The following SLC16A7 variants were observed in gnomAD, a reference collection of about 807,000 sequenced individuals.
The protein encoded by SLC16A7 is solute carrier family 16 member 7.
Under a neutral mutation model 34.9 loss-of-function variants are expected in SLC16A7, and 33 were observed. The observed-to-expected ratio is 0.94, with a 90% CI of 0.72 to 1.26. The LOEUF is 1.26. SLC16A7 is among the 50% of genes most tolerant of loss of function. The pLI is 0.00. For synonymous variants in SLC16A7, 201 were observed against 206.6 expected (o/e 0.97, Z 0.23); for missense variants, 573 against 578.1 (o/e 0.99, Z 0.09).
intron 1 of SLC16A7, among the ~76,000 whole-genome samples, chr12:59,619,989 G>A (rs999099223): frequency 6.6e-6 from 1 of 151,944 alleles, no homozygotes; most frequent in African/African-American, 2.4e-5. Flanking sequence ...AATAGAGATG[G>A]TGTTTGAGAC....
intron 3 of SLC16A7, chr12:59,735,946 G>T (rs1477867147): frequency 8.0e-7 from 1 of 1,246,736 alleles, no homozygotes; most frequent in Non-Finnish European, 1.0e-6. Flanking sequence ...AGGAGAAGCG[G>T]AATGCATCAT....
intron 2 of SLC16A7, among the ~76,000 whole-genome samples, chr12:59,680,981 G>GA (rs1450721054): frequency 1.3e-5 from 2 of 152,070 alleles, no homozygotes; most frequent in East Asian, 3.9e-4. Context: ...GCCCTCAATG[G>GA]AAAAAACTAC....
chr12:59,677,782 G>T (rs1296915737), intron 2 of SLC16A7, among the ~76,000 whole-genome samples: 3 of 152,200 alleles, frequency 2.0e-5, no homozygotes, highest in Non-Finnish European at 4.4e-5. Flanking sequence ...TAAGAAAAAT[G>T]TGCTGTGTGC....
intron 1 of SLC16A7, among the ~76,000 whole-genome samples, chr12:59,609,589 C>T (rs1565616437): frequency 6.6e-6 from 1 of 152,058 alleles, no homozygotes; most frequent in African/African-American, 2.4e-5. Context: ...GTGGATCCTT[C>T]TGAATGTCAA....
chr12:59,754,064 C>T (rs559939262), intron 3 of SLC16A7, among the ~76,000 whole-genome samples: 1 of 152,202 alleles, frequency 6.6e-6, no homozygotes, highest in Non-Finnish European at 1.5e-5. Flanking sequence ...CCAATGAGAA[C>T]AAAGACGCAA....
At chr12:59,754,868 G>A (rs1399488632) in intron 3 of SLC16A7, among the ~76,000 whole-genome samples, 1 of 152,078 alleles carries the variant, frequency 6.6e-6, no homozygotes, top group African/African-American at 2.4e-5. Context: ...ATAAAATACT[G>A]GCAAAACGAA....
chr12:59,751,419 T>C (rs2464685), intron 3 of SLC16A7, among the ~76,000 whole-genome samples: 93,114 of 152,186 alleles, frequency 0.61, 29,147 homozygotes, highest in African/African-American at 0.76. Context: ...GCTTTTCCGA[T>C]GAGCTTAAAA....
intron 3 of SLC16A7, among the ~76,000 whole-genome samples, chr12:59,739,869 T>C (rs906959797): frequency 5.3e-5 from 8 of 152,266 alleles, no homozygotes; most frequent in African/African-American, 1.9e-4. Context: ...TTCATGTCCT[T>C]CACCCACTTT....
intron 3 of SLC16A7, among the ~76,000 whole-genome samples, chr12:59,754,318 G>C (rs78528541): frequency 0.077 from 11,785 of 152,130 alleles, 553 homozygotes; most frequent in Middle Eastern, 0.17. Flanking sequence ...GAATCCAGGA[G>C]CCGGTTTTTT....
intron 2 of SLC16A7, among the ~76,000 whole-genome samples, chr12:59,661,894 G>T (rs1868871030): frequency 6.6e-6 from 1 of 152,034 alleles, no homozygotes. Context: ...AATGTGGATT[G>T]TTTCCTTCTG....
chr12:59,650,715 G>A (rs1252106693), intron 1 of SLC16A7, among the ~76,000 whole-genome samples: 1 of 152,078 alleles, frequency 6.6e-6, no homozygotes, highest in Non-Finnish European at 1.5e-5. Context: ...CTGTGCTCAG[G>A]CGTGGGTTGG....
intron 1 of SLC16A7, among the ~76,000 whole-genome samples, chr12:59,624,489 A>G (rs1879833782): frequency 1.3e-5 from 2 of 151,648 alleles, no homozygotes; most frequent in South Asian, 4.1e-4. Flanking sequence ...TCATGTGGGA[A>G]TTATTTGAAA....
At chr12:59,719,865 G>A in intron 3 of SLC16A7, 1 of 483,080 alleles carries the variant, frequency 2.1e-6, no homozygotes, top group Non-Finnish European at 3.6e-6. Flanking sequence ...GCCTCCCACG[G>A]AGTGGCCCAA....
chr12:59,763,479 CA>C (rs1232944753), intron 3 of SLC16A7, among the ~76,000 whole-genome samples: 1 of 151,942 alleles, frequency 6.6e-6, no homozygotes, highest in South Asian at 2.1e-4. Flanking sequence ...ATCTGATTAA[CA>C]AAAAGATTAT....
intron 3 of SLC16A7, among the ~76,000 whole-genome samples, chr12:59,731,925 T>G (rs2711679): frequency 0.12 from 18,657 of 152,184 alleles, 1,497 homozygotes; most frequent in African/African-American, 0.22. Flanking sequence ...TTTTGTTCAC[T>G]GTAAAATAAG....
At chr12:59,629,060 G>A (rs568363491) in intron 1 of SLC16A7, among the ~76,000 whole-genome samples, 2 of 151,874 alleles carry the variant, frequency 1.3e-5, no homozygotes, top group East Asian at 3.9e-4. Context: ...TTGTTCTGAC[G>A]TAGAGATGGC....
At position 59,784,284 on chromosome 12, in the gene SLC16A7, T is replaced by G. The variant is rs1883462750; in HGVS notation, c.*4605T>G. ...TACTCGGGAGGCTGAGACGAGAGGG[T>G]CATTTGAGCCCAGGAAGTTGAGGCT... On this transcript the variant is annotated 3_prime_UTR_variant, in exon 6 of 6. Coordinates refer to ENST00000547379, the MANE Select transcript of SLC16A7 (RefSeq NM_001270623.2). 1 of 151,998 alleles carries G rather than the reference T, an allele frequency of 6.6e-6. No homozygotes were observed. The highest frequency in any genetic ancestry group is 6.6e-5 in the Admixed American group (1 of 15,260). The allele number at this position is 151,998 out of a possible 1,614,324, so 9.4% of individuals were successfully genotyped here. A position where few individuals can be genotyped will look rare whatever the true frequency, so the allele number is the denominator to read the frequency against.
At chr12:59,717,105 C>G (rs763304044) in intron 3 of SLC16A7, among the ~76,000 whole-genome samples, 1 of 152,100 alleles carries the variant, frequency 6.6e-6, no homozygotes, top group Non-Finnish European at 1.5e-5. Flanking sequence ...ATAGAAATTG[C>G]TGTTGAAATA....
intron 3 of SLC16A7, among the ~76,000 whole-genome samples, chr12:59,727,170 A>ATATATATATATAAAAAAT (rs1555174538): frequency 2.6e-4 from 37 of 144,384 alleles, no homozygotes; most frequent in African/African-American, 8.5e-4. Flanking sequence ...ATATATATAT[A>ATATATATATATAAAAAAT]ATATATATAT....
Sources: gnomAD v4.1 joint callset for allele counts (sites outside exome capture counted in the v4.1 genomes callset) on GRCh38, gnomAD v4.1.1 for gene constraint, MANE v1.5 for transcripts, NCBI Gene and HGNC (gene_info 2026-07-23, HGNC 2026-07-21) for gene names.